Variants in ATF7IP observed in about 807,000 individuals in gnomAD.
ATF7IP encodes the protein activating transcription factor 7 interacting protein.
ATF7IP carries 23 observed loss-of-function variants against 106.4 expected under a neutral mutation model. The observed-to-expected ratio is 0.22, with a 90% CI of 0.16 to 0.31. The LOEUF is 0.31. ATF7IP is among the 10% of genes least tolerant of loss of function. The pLI is 1.00. For missense variants in ATF7IP, 1,334 were observed against 1,524.3 expected (o/e 0.88, Z 2.08); for synonymous variants, 542 against 539.0 (o/e 1.01, Z -0.08).
chr12:14,466,987 C>G (rs1172273634), intron 10 of ATF7IP, among the ~76,000 whole-genome samples: 2 of 152,172 alleles, frequency 1.3e-5, no homozygotes, highest in East Asian at 1.9e-4. Flanking sequence ...ACCCCTACCA[C>G]CTTTTTAATT....
At chr12:14,383,402 C>CA (rs1939079465) in intron 1 of ATF7IP, among the ~76,000 whole-genome samples, 1 of 152,082 alleles carries the variant, frequency 6.6e-6, no homozygotes, top group East Asian at 1.9e-4. Flanking sequence ...ACTTTGCTTC[C>CA]AGAATGTAAG....
At chr12:14,418,983 GA>G (rs1227111617) in intron 1 of ATF7IP, among the ~76,000 whole-genome samples, 1 of 151,996 alleles carries the variant, frequency 6.6e-6, no homozygotes, top group African/African-American at 2.4e-5. Flanking sequence ...TACCAAAGAG[GA>G]ATTTGTCTTA....
chr12:14,429,438 G>T (rs1942019100), intron 2 of ATF7IP, among the ~76,000 whole-genome samples: 1 of 151,914 alleles, frequency 6.6e-6, no homozygotes, highest in Non-Finnish European at 1.5e-5. Flanking sequence ...TTTTTGAAGA[G>T]AAAAATCTGT....
At chr12:14,487,062 C>G (rs1039068721) in intron 13 of ATF7IP, among the ~76,000 whole-genome samples, 2 of 152,114 alleles carry the variant, frequency 1.3e-5, no homozygotes, top group African/African-American at 4.8e-5. Flanking sequence ...ATTTCCAGCT[C>G]ACTCACAGTG....
intron 1 of ATF7IP, among the ~76,000 whole-genome samples, chr12:14,380,432 A>C (rs1938955059): frequency 6.6e-6 from 1 of 152,060 alleles, no homozygotes; most frequent in South Asian, 2.1e-4. Flanking sequence ...CCATTTTGGG[A>C]GAGTTCTCCA....
chr12:14,430,585 A>G (rs536751305), intron 2 of ATF7IP, among the ~76,000 whole-genome samples: 46 of 152,266 alleles, frequency 3.0e-4, no homozygotes, highest in Admixed American at 2.4e-3. Flanking sequence ...GAGAATCTTT[A>G]TATGTTTATT....
At chr12:14,489,848 T>C (rs1426128314) in intron 13 of ATF7IP, among the ~76,000 whole-genome samples, 1 of 152,174 alleles carries the variant, frequency 6.6e-6, no homozygotes, top group African/African-American at 2.4e-5. Flanking sequence ...TGGCATTCTG[T>C]GAGTCCATGG....
intron 10 of ATF7IP, among the ~76,000 whole-genome samples, chr12:14,468,634 C>G (rs1040495208): frequency 6.6e-6 from 1 of 152,104 alleles, no homozygotes; most frequent in Admixed American, 6.5e-5. Context: ...ATAAAAAATG[C>G]GTACAAGCAG....
At chr12:14,461,264 T>C (rs1193289067) in intron 9 of ATF7IP, 131 bp downstream of exon 9, 1 of 887,170 alleles carries the variant, frequency 1.1e-6, no homozygotes, top group Non-Finnish European at 1.6e-6. Context: ...TGATTATTTT[T>C]AGTAATTTTT....
chr12:14,430,889 G>A (rs1942083319), intron 2 of ATF7IP, among the ~76,000 whole-genome samples: 1 of 152,156 alleles, frequency 6.6e-6, no homozygotes, highest in Non-Finnish European at 1.5e-5. Flanking sequence ...CCTGCAACAA[G>A]GACAGAATTA....
chr12:14,430,174 G>A (rs1183987918), intron 2 of ATF7IP, among the ~76,000 whole-genome samples: 2 of 151,724 alleles, frequency 1.3e-5, no homozygotes, highest in Non-Finnish European at 2.9e-5. Flanking sequence ...AGAGATTTTG[G>A]TGTTTCAGAG....
At chr12:14,368,490 C>T (rs11055952) in intron 1 of ATF7IP, among the ~76,000 whole-genome samples, 49,695 of 151,934 alleles carry the variant, frequency 0.33, 9,329 homozygotes, top group Admixed American at 0.47. Flanking sequence ...TCCTGTTTTG[C>T]TTTTTGCTCA....
intron 10 of ATF7IP, among the ~76,000 whole-genome samples, chr12:14,473,280 C>G (rs1320263236): frequency 1.4e-5 from 1 of 70,022 alleles, no homozygotes; most frequent in African/African-American, 9.7e-5. Context: ...AGCGCGCTCT[C>G]TCTCTCTCTC....
chr12:14,494,284 A>AATATATATATATATATAT (rs747194414), intron 13 of ATF7IP, among the ~76,000 whole-genome samples: 5 of 53,802 alleles, frequency 9.3e-5, no homozygotes, highest in South Asian at 7.6e-4. Context: ...GAGCTAATAG[A>AATATATATATATATATAT]ATATATATAT....
chr12:14,375,430 G>A (rs565728493), intron 1 of ATF7IP, among the ~76,000 whole-genome samples: 1 of 151,928 alleles, frequency 6.6e-6, no homozygotes, highest in African/African-American at 2.4e-5. Context: ...AATTAATAAG[G>A]GTTTGAGGAA....
At chr12:14,483,178 G>A (rs942267920) in intron 13 of ATF7IP, among the ~76,000 whole-genome samples, 3 of 152,164 alleles carry the variant, frequency 2.0e-5, no homozygotes, top group African/African-American at 7.2e-5. Flanking sequence ...ACCTCAGCTG[G>A]TCGTGGTTTA....
rs114378054 is a variant in ATF7IP, at chr12:14,459,961, G to C, written c.2159-534G>C. On this transcript the variant is annotated intron_variant, in intron 8 of 14. Coordinates refer to ENST00000261168, the MANE Select transcript of ATF7IP (RefSeq NM_018179.5). Reference sequence around the variant, plus strand: ...CAGTAGAGGGAATCTCCCCTCAATAGTTCCTCTCCCAAGGAATTCAATCAA... The same window carrying C: ...CAGTAGAGGGAATCTCCCCTCAATACTTCCTCTCCCAAGGAATTCAATCAA... Among the ~76,000 whole-genome samples, 667 of 152,164 alleles carry C rather than the reference G, an allele frequency of 4.4e-3. 4 individuals carry two copies. Among genetic ancestry groups the C allele is most frequent in the African/African-American group, 0.015 (641 of 41,512 alleles).
At chr12:14,433,428 C>T (rs1942239173) in intron 2 of ATF7IP, among the ~76,000 whole-genome samples, 1 of 152,124 alleles carries the variant, frequency 6.6e-6, no homozygotes, top group Non-Finnish European at 1.5e-5. Context: ...TTGCTTGAAC[C>T]TGGGAAGTGG....
At chr12:14,453,666 C>G (rs1236826572) in intron 6 of ATF7IP, among the ~76,000 whole-genome samples, 2 of 151,896 alleles carry the variant, frequency 1.3e-5, no homozygotes, top group Non-Finnish European at 2.9e-5. Context: ...CTCCTGTCGC[C>G]CAGGCTGGAG....
Sources: allele counts gnomAD v4.1 joint callset (sites outside exome capture counted in the v4.1 genomes callset), GRCh38; gene constraint gnomAD v4.1.1; transcripts MANE v1.5; gene names NCBI Gene and HGNC (gene_info 2026-07-23, HGNC 2026-07-21).